The following BCAR3 variants were observed in gnomAD, a reference collection of about 807,000 sequenced individuals.
BCAR3 encodes the protein breast cancer anti-estrogen resistance protein 3.
A neutral mutation model predicts 80.1 loss-of-function variants in BCAR3; 37 were observed. That is an observed-to-expected ratio of 0.46 (90% CI 0.36 to 0.61). The LOEUF is 0.61. Among genes scored for constraint, BCAR3 ranks in the 20% least tolerant of loss-of-function variants. The pLI is 0.00. For missense variants in BCAR3, 978 were observed against 1,068.2 expected (o/e 0.92, Z 1.18); for synonymous variants, 389 against 418.9 (o/e 0.93, Z 0.87).
intron 2 of BCAR3, among the ~76,000 whole-genome samples, chr1:93,749,081 T>C (rs1306351576): frequency 6.6e-6 from 1 of 152,110 alleles, no homozygotes; most frequent in Admixed American, 6.5e-5. Flanking sequence ...AAAGCAATGT[T>C]ACTATATCCT....
intron 8 of BCAR3, 78 bp downstream of exon 8, chr1:93,575,936 T>C (rs968392491): frequency 7.7e-7 from 1 of 1,304,390 alleles, no homozygotes; most frequent in Admixed American, 1.8e-5. Context: ...GCTGCGCCTC[T>C]CTTTGTTCTA....
intron 2 of BCAR3, among the ~76,000 whole-genome samples, chr1:93,718,434 A>G (rs1177223542): frequency 6.6e-6 from 1 of 152,206 alleles, no homozygotes; most frequent in Non-Finnish European, 1.5e-5. Flanking sequence ...GCCAGGACAC[A>G]GCAGTATGAT....
intron 2 of BCAR3, among the ~76,000 whole-genome samples, chr1:93,768,265 GTGTT>G (rs1046138387): frequency 9.7e-4 from 111 of 114,222 alleles, no homozygotes; most frequent in African/African-American, 5.1e-3. Flanking sequence ...GAATGTGTGT[GTGTT>G]TGTGTGTGTG....
upstream of BCAR3, among the ~76,000 whole-genome samples, chr1:93,686,453 T>G (rs997557428): frequency 6.6e-6 from 1 of 152,238 alleles, no homozygotes; most frequent in African/African-American, 2.4e-5. Context: ...ACAATTACGA[T>G]AACATTAGCT....
At chr1:93,825,757 G>C (rs544417300) in intron 2 of BCAR3, among the ~76,000 whole-genome samples, 2 of 152,324 alleles carry the variant, frequency 1.3e-5, no homozygotes, top group Admixed American at 1.3e-4. Context: ...GCCCGCAGCA[G>C]CAAAGAGGCT....
At chr1:93,563,904 G>A (rs1672808401) in intron 11 of BCAR3, among the ~76,000 whole-genome samples, 1 of 152,144 alleles carries the variant, frequency 6.6e-6, no homozygotes, top group South Asian at 2.1e-4. Context: ...ATGTTGGCCA[G>A]GCTGGTCTCG....
At chr1:93,825,073 T>C (rs1311951117) in intron 2 of BCAR3, among the ~76,000 whole-genome samples, 3 of 134,310 alleles carry the variant, frequency 2.2e-5, no homozygotes, top group East Asian at 5.8e-4. Context: ...GTGGGTTTAG[T>C]CAGCTCTAGA....
At chr1:93,832,835 A>G (rs1257130937) in intron 2 of BCAR3, among the ~76,000 whole-genome samples, 1 of 152,266 alleles carries the variant, frequency 6.6e-6, no homozygotes, top group Admixed American at 6.5e-5. Flanking sequence ...TTTTAACTAA[A>G]TTATCTGCTT....
At chr1:93,777,414 T>TCCTTCTCCTCCTCCTCTTCC (rs1557685179) in intron 2 of BCAR3, among the ~76,000 whole-genome samples, 1 of 113,154 alleles carries the variant, frequency 8.8e-6, no homozygotes, top group African/African-American at 4.5e-5. Context: ...CCTCCTCCTC[T>TCCTTCTCCTCCTCCTCTTCC]TCCTCCTCCT....
chr1:93,572,744 T>TA (rs1673270359), intron 8 of BCAR3, among the ~76,000 whole-genome samples: 2 of 152,222 alleles, frequency 1.3e-5, no homozygotes, highest in South Asian at 4.1e-4. Flanking sequence ...CCCCAGTTTA[T>TA]AGCTGTAGTT....
intron 2 of BCAR3, among the ~76,000 whole-genome samples, chr1:93,814,191 T>G (rs1472339282): frequency 6.6e-6 from 1 of 152,186 alleles, no homozygotes; most frequent in Non-Finnish European, 1.5e-5. Context: ...CTCTGCTGGT[T>G]ATTCTCAACA....
chr1:93,831,629 T>C (rs1654570321), intron 2 of BCAR3, among the ~76,000 whole-genome samples: 1 of 152,040 alleles, frequency 6.6e-6, no homozygotes, highest in Non-Finnish European at 1.5e-5. Context: ...GTTCCTTCAG[T>C]CTCCACCCCA....
chr1:93,829,888 A>G (rs1654497254), intron 2 of BCAR3, among the ~76,000 whole-genome samples: 1 of 152,164 alleles, frequency 6.6e-6, no homozygotes, highest in South Asian at 2.1e-4. Context: ...ATGTGACTGG[A>G]TCATGGGGGT....
chr1:93,653,474 C>G (rs2101922220), intron 2 of BCAR3, among the ~76,000 whole-genome samples: 1 of 152,314 alleles, frequency 6.6e-6, no homozygotes, highest in South Asian at 2.1e-4. Context: ...ACAGGGTGAG[C>G]TTTCCAACAG....
chr1:93,571,790 G>A lies in BCAR3; in HGVS notation c.1854C>T (p.Gly618=), dbSNP rs138808523. 264 of 1,614,126 alleles carry A rather than the reference G, an allele frequency of 1.6e-4. No individual in the cohort carries two copies. The highest frequency in any genetic ancestry group is 1.3e-3 in the Middle Eastern group (8 of 6,052). ...GAGTGGCCGCTCGGTCCTCCAAAGT[G>A]CCCGTGCATCCCAGAATGTCCACTG... ...GIAVDILGCT[G]TLEDRAATLS... Residue 618 remains glycine, a synonymous_variant, in exon 9 of 12, where the codon GGC becomes GGT. Transcript: ENST00000260502.
At chr1:93,768,348 T>C (rs1217208875) in intron 2 of BCAR3, among the ~76,000 whole-genome samples, 1 of 152,072 alleles carries the variant, frequency 6.6e-6, no homozygotes, top group Non-Finnish European at 1.5e-5. Context: ...GTAGAATCCA[T>C]GCCCAAGGTT....
chr1:93,790,635 T>TTC (rs1491124088), intron 2 of BCAR3, among the ~76,000 whole-genome samples: 10 of 42,636 alleles, frequency 2.3e-4, no homozygotes, highest in Admixed American at 8.1e-4. Flanking sequence ...TTTGTATTCA[T>TTC]TTTTTTTTTT....
At chr1:93,735,774 C>T (rs566742253) in intron 2 of BCAR3, among the ~76,000 whole-genome samples, 5 of 152,340 alleles carry the variant, frequency 3.3e-5, no homozygotes, top group South Asian at 4.1e-4. Context: ...CAAGGCAGCT[C>T]GCTTCCATGG....
chr1:93,605,744 C>T (rs1320490872), intron 3 of BCAR3, among the ~76,000 whole-genome samples: 1 of 152,204 alleles, frequency 6.6e-6, no homozygotes, highest in African/African-American at 2.4e-5. Context: ...AAATCAAAAT[C>T]AACTTAATTC....
Sources: allele counts gnomAD v4.1 joint callset (sites outside exome capture counted in the v4.1 genomes callset), GRCh38; gene constraint gnomAD v4.1.1; transcripts MANE v1.5; gene names NCBI Gene and HGNC (gene_info 2026-07-23, HGNC 2026-07-21).